PLCB2: variants seen among roughly 807,000 people sequenced by gnomAD.
PLCB2 encodes the protein 1-phosphatidylinositol 4,5-bisphosphate phosphodiesterase beta-2.
A neutral mutation model predicts 141.7 loss-of-function variants in PLCB2; 115 were observed. That is an observed-to-expected ratio of 0.81 (90% CI 0.70 to 0.95). The LOEUF is 0.95. Ranked by LOEUF, PLCB2 falls within the 40% of genes least tolerant of loss-of-function variation. PLCB2 has a pLI of 0.00. For synonymous variants in PLCB2, 603 were observed against 595.6 expected, an observed-to-expected ratio of 1.01 and a Z score of -0.18; for missense variants, 1,403 against 1,541.1, an observed-to-expected ratio of 0.91 and a Z score of 1.50.
chr15:40,296,962 G>A (rs2040256060), intron 13 of PLCB2, 54 bp from the exon 14 acceptor site: 3 of 1,589,162 alleles, frequency 1.9e-6, no homozygotes, highest in South Asian at 2.2e-5. Flanking sequence ...GGCATAGCCT[G>A]AGCTCCTTAT....
Position 40,297,008 on chromosome 15 carries a change from T to C in PLCB2, c.1324-100A>G. ...GCTCCCTCGGCCTCCCCCACTCCTC[T>C]TGACCTGCCTCTCACTACTGCTTAT... is the stretch of plus-strand genomic sequence containing the variant. On this transcript the variant is annotated intron_variant, in intron 13 of 31. Coordinates refer to ENST00000260402, the MANE Select transcript of PLCB2 (RefSeq NM_004573.3). This position sits in a 1 kb window ranked among gnomAD's most constrained non-coding sequence, Gnocchi z 4.2. The C allele has an allele frequency of 8.8e-7, 1 of 1,136,934 alleles. No homozygotes were observed. The highest frequency in any genetic ancestry group is 2.4e-5 in the East Asian group (1 of 42,412). 70.4% of individuals were successfully genotyped at this position (1,136,934 alleles called of 1,614,324 possible). A position where few individuals can be genotyped will look rare whatever the true frequency, so the allele number is the denominator to read the frequency against.
At chr15:40,286,099 C>G, downstream of PLCB2, 1 of 954,144 alleles carries the variant, frequency 1.0e-6, no homozygotes, top group Non-Finnish European at 1.2e-6. Flanking sequence ...AACAGCAAAG[C>G]TGAAAAAAAG....
Position 40,288,835 on chromosome 15 carries a change from G to C in PLCB2, c.3438C>G (p.Leu1146=). 6.2e-7 allele frequency: 1 copy of C among 1,614,054 alleles called. No homozygotes were observed. The highest frequency in any genetic ancestry group is 8.5e-7 in the Non-Finnish European group (1 of 1,180,008). The part of the protein sequence containing the change: ...AEVKESVRAC[L]RTCFPSEAKD... ...TGGCCTCGGAGGGAAAGCAGGTCCTGAGGCAGGCCCTCACCGACTCCTTCA... is the reference window on the plus strand; with the variant it reads ...TGGCCTCGGAGGGAAAGCAGGTCCTCAGGCAGGCCCTCACCGACTCCTTCA... The change falls in exon 32 of 32, where the codon CTC becomes CTG. Residue 1146 remains leucine (L), a synonymous_variant. Transcript: ENST00000260402.
In PLCB2 at chr15:40,296,508, C is replaced by A. The variant is rs747476804; in HGVS notation, c.1599+14G>T. 2.5e-6 allele frequency: 4 copies of A among 1,613,860 alleles called. No homozygotes were observed. The highest frequency in any genetic ancestry group is 3.4e-6 in the Non-Finnish European group (4 of 1,179,862). ...GAGGATGACACAGAGGGGCCTGGGG[C>A]TACCCCCACACACCTCATCCGACTG... On this transcript the variant is annotated intron_variant, in intron 15 of 31. Transcript: ENST00000260402.
chr15:40,290,447 G>A (rs2039826224), intron 29 of PLCB2, 130 bp downstream of exon 29: 2 of 738,988 alleles, frequency 2.7e-6, no homozygotes, highest in South Asian at 1.6e-5. Context: ...GGTGACAGGG[G>A]GGATCCGCTT....
chr15:40,303,457 T>C, intron 2 of PLCB2, 101 bp from the exon 3 acceptor site: 1 of 841,338 alleles, frequency 1.2e-6, no homozygotes, highest in Non-Finnish European at 2.0e-6. Flanking sequence ...TTCCACACCC[T>C]TCAAATCTTG....
At chr15:40,285,903 G>T (rs1420157741), downstream of PLCB2, 11 of 985,356 alleles carry the variant, frequency 1.1e-5, no homozygotes, top group African/African-American at 1.7e-4. Context: ...TTCTGTTCCT[G>T]TTCCTCCGTG....
rs562540903 is a variant in PLCB2, at chr15:40,288,833, C to T, written c.3440G>A (p.Arg1147Lys). Residue 1147 changes from arginine to lysine, a missense_variant, in exon 32 of 32, where the codon AGG becomes AAG. Physicochemically the swap from Arg to Lys is conservative, Grantham distance 26 (BLOSUM62 2). Around this residue, in one of 4 missense-constraint regions of PLCB2, gnomAD observed 132 missense variants for 132.4 expected, o/e 1.00. Coordinates refer to ENST00000260402, the MANE Select transcript of PLCB2 (RefSeq NM_004573.3). ...CTTGGCCTCGGAGGGAAAGCAGGTC[C>T]TGAGGCAGGCCCTCACCGACTCCTT... Reference protein sequence around the residue: ...EVKESVRACLRTCFPSEAKDK... With the variant: ...EVKESVRACLKTCFPSEAKDK... The T allele has an allele frequency of 2.5e-6, 4 of 1,614,104 alleles. No individual in the cohort carries two copies. Among genetic ancestry groups the T allele is most frequent in the Non-Finnish European group, 3.4e-6 (4 of 1,180,002 alleles).
At position 40,288,815 on chromosome 15, in the gene PLCB2, T is replaced by C; in HGVS notation, c.3458A>G (p.Glu1153Gly). 1 of 1,613,946 alleles carries C rather than the reference T, an allele frequency of 6.2e-7. No individual in the cohort carries two copies. The highest frequency in any genetic ancestry group is 8.5e-7 in the Non-Finnish European group (1 of 1,179,830). ...GGCCCTCTCAGGCTTGTCCTTGGCCTCGGAGGGAAAGCAGGTCCTGAGGCA... is the reference window on the plus strand; with the variant it reads ...GGCCCTCTCAGGCTTGTCCTTGGCCCCGGAGGGAAAGCAGGTCCTGAGGCA... ...RACLRTCFPS[E>G]AKDKPERACE... Residue 1153 changes from glutamate to glycine, a missense_variant, in exon 32 of 32, where the codon GAG becomes GGG. Glu to Gly is a moderately conservative substitution (Grantham distance 98). Around this residue, in one of 4 missense-constraint regions of PLCB2, gnomAD observed 132 missense variants for 132.4 expected, o/e 1.00. Transcript: ENST00000260402.
At chr15:40,285,740 G>A, downstream of PLCB2, 3 of 985,450 alleles carry the variant, frequency 3.0e-6, no homozygotes, top group Non-Finnish European at 3.6e-6. Context: ...CAAGGTCAGA[G>A]GAGGGTGTAC....
In PLCB2 at chr15:40,291,011, C is replaced by T. The variant is rs770504294; in HGVS notation, c.3036+7G>A. On this transcript the variant is annotated splice_region_variant and intron_variant, in intron 27 of 31. Transcript: ENST00000260402. ...GGTGGGGTTGTCGCCCTGCCCCTCC[C>T]GGCCACCTCGGCCACGTGCTGCTCC... The T allele has an allele frequency of 5.0e-6, 8 of 1,589,814 alleles. No individual in the cohort carries two copies. The highest frequency in any genetic ancestry group is 2.0e-4 in the Middle Eastern group (1 of 5,056).
chr15:40,297,915 G>C lies in PLCB2; in HGVS notation c.1200C>G (p.Pro400=). 1.2e-6 allele frequency: 2 copies of C among 1,613,734 alleles called. No individual in the cohort carries two copies. Among genetic ancestry groups the C allele is most frequent in the Non-Finnish European group, 1.7e-6 (2 of 1,179,658 alleles). ...AIAESAFKTS[P]YPIILSFENH... ...TCTCAAACGACAGGATGATGGGATA[G>C]GGGGAGGTCTTAAAGGCGCTTTCTG... Residue 400 remains proline, a synonymous_variant, in exon 12 of 32, where the codon CCC becomes CCG. Coordinates refer to ENST00000260402, the MANE Select transcript of PLCB2 (RefSeq NM_004573.3). This position sits in a 1 kb window ranked among gnomAD's most constrained non-coding sequence, Gnocchi z 4.2.
chr15:40,294,184 C>A (rs1365382888), intron 19 of PLCB2, 82 bp downstream of exon 19: 1 of 1,375,932 alleles, frequency 7.3e-7, no homozygotes, highest in Non-Finnish European at 1.0e-6. Flanking sequence ...GAGGGGGTTG[C>A]GAGTTGAGTG....
In PLCB2 at chr15:40,291,083, G is replaced by A; in HGVS notation, c.2971C>T (p.Leu991=). The change falls in exon 27 of 32, where the codon CTG becomes TTG. Residue 991 remains leucine, a synonymous_variant. Coordinates refer to ENST00000260402, the MANE Select transcript of PLCB2 (RefSeq NM_004573.3). ...TACTGCTCCTCGCCCTGCCGCAGCA[G>A]CTCCAGCTCCAGCCTGTCTTTCAGC... is the stretch of plus-strand genomic sequence containing the variant. ...RELKDRLELE[L]LRQGEEQYEC... 6.3e-7 allele frequency: 1 copy of A among 1,589,022 alleles called. No individual in the cohort carries two copies. Among genetic ancestry groups the A allele is most frequent in the Non-Finnish European group, 8.5e-7 (1 of 1,175,508 alleles).
intron 2 of PLCB2, 44 bp downstream of exon 2, chr15:40,303,957 G>T: frequency 7.4e-7 from 1 of 1,347,452 alleles, no homozygotes; most frequent in Non-Finnish European, 1.0e-6. Context: ...TGGCCTCAAT[G>T]ATAAGCAGGA....
In PLCB2 at chr15:40,290,609, GGT is replaced by G; in HGVS notation, c.3175_3176del (p.Thr1059GlnfsTer17). 1 of 1,614,056 alleles carries G rather than the reference GGT, an allele frequency of 6.2e-7. No individual in the cohort carries two copies. Among genetic ancestry groups the G allele is most frequent in the Non-Finnish European group, 8.5e-7 (1 of 1,179,944 alleles). ...TKRLERIQGM[T>X]KVTTDKMAQE... ...GGGCCATCTTGTCTGTGGTGACTTT[GGT>G]CATGCCCTGGATCCGCTCCAGTCTC... On this transcript the variant is annotated frameshift_variant, in exon 29 of 32. Transcript: ENST00000260402. LOFTEE classifies it high-confidence loss of function.
chr15:40,285,458 G>A, downstream of PLCB2: 1 of 851,774 alleles, frequency 1.2e-6, no homozygotes, highest in South Asian at 5.4e-5. Flanking sequence ...GTCAGGGAAA[G>A]AGCTGCATAG....
At chr15:40,302,076 C>T (rs752983769) in intron 6 of PLCB2, 44 bp from the exon 7 acceptor site, 4 of 1,613,698 alleles carry the variant, frequency 2.5e-6, no homozygotes, top group Non-Finnish European at 3.4e-6. Flanking sequence ...AGGAGTCAGG[C>T]CTGAGAAAGA....
At chr15:40,307,227 G>A (rs1427760812) in intron 1 of PLCB2, among the ~76,000 whole-genome samples, 3 of 152,152 alleles carry the variant, frequency 2.0e-5, no homozygotes, top group African/African-American at 7.2e-5. Context: ...CATCTGTGCT[G>A]GGAGCGGGGA....
Sources: allele counts gnomAD v4.1 joint callset (sites outside exome capture counted in the v4.1 genomes callset), GRCh38; gene constraint gnomAD v4.1.1; regional missense constraint gnomAD v4.1.1; non-coding constraint Gnocchi (gnomAD v3.1); transcripts MANE v1.5; gene names NCBI Gene and HGNC (gene_info 2026-07-23, HGNC 2026-07-21).